THADA: variants seen among roughly 807,000 people sequenced by gnomAD.
The protein encoded by THADA is tRNA (32-2'-O)-methyltransferase regulator THADA.
A neutral mutation model predicts 219.8 loss-of-function variants in THADA; 213 were observed. The observed-to-expected ratio is 0.97, with a 90% CI of 0.87 to 1.09. The LOEUF (loss-of-function observed/expected upper bound fraction) is 1.09. Among genes scored for constraint, THADA ranks in the 50% least tolerant of loss-of-function variants. The pLI is 0.00. For missense variants in THADA, 2,956 were observed against 2,311.3 expected, an observed-to-expected ratio of 1.28 and a Z score of -5.72; for synonymous variants, 1,018 against 828.9, an observed-to-expected ratio of 1.23 and a Z score of -3.92.
chr2:43,334,447 T>C (rs184814282), intron 30 of THADA, among the ~76,000 whole-genome samples: 1 of 152,274 alleles, frequency 6.6e-6, no homozygotes, highest in African/African-American at 2.4e-5. Flanking sequence ...CCCTCTACCA[T>C]CTCTTCCCCT....
chr2:43,533,620 C>G (rs915999351), intron 21 of THADA, among the ~76,000 whole-genome samples: 1 of 152,140 alleles, frequency 6.6e-6, no homozygotes, highest in African/African-American at 2.4e-5. Context: ...AGCCATCATC[C>G]TCAGCAAACT....
Position 43,375,968 on chromosome 2 carries a change from C to T in THADA, c.4227+22003G>A, listed in dbSNP as rs987767880. Reference sequence around the variant, plus strand: ...TCACAACCCAACACAAGAAACACCACCCACCTGCAAGCTGTTTCAGACTAA... The same window carrying T: ...TCACAACCCAACACAAGAAACACCATCCACCTGCAAGCTGTTTCAGACTAA... On this transcript the variant is annotated intron_variant, in intron 29 of 37. Coordinates refer to ENST00000405975, the MANE Select transcript of THADA (RefSeq NM_022065.5). 2.0e-5 allele frequency among the ~76,000 whole-genome samples: 3 copies of T among 152,176 alleles called. No homozygotes were observed. In the South Asian group the frequency reaches 6.2e-4, roughly 32 times the overall value.
chr2:43,564,423 A>C (rs1217732081), intron 15 of THADA: 2 of 152,248 alleles, frequency 1.3e-5, no homozygotes, highest in Non-Finnish European at 2.9e-5. Context: ...TAGCCATCTC[A>C]TGCCAATCTC....
At chr2:43,488,182 T>A (rs1317979002) in intron 25 of THADA, among the ~76,000 whole-genome samples, 1 of 152,226 alleles carries the variant, frequency 6.6e-6, no homozygotes, top group African/African-American at 2.4e-5. Flanking sequence ...ATTACTTTTT[T>A]AAATTGAGGT....
intron 11 of THADA, among the ~76,000 whole-genome samples, chr2:43,573,997 C>T (rs1351959297): frequency 6.6e-6 from 1 of 152,140 alleles, no homozygotes; most frequent in Non-Finnish European, 1.5e-5. Flanking sequence ...GTCTCAATGA[C>T]TTGAATAAGC....
chr2:43,534,911 G>A (rs1414069396), intron 21 of THADA, among the ~76,000 whole-genome samples: 4 of 152,016 alleles, frequency 2.6e-5, no homozygotes, highest in Non-Finnish European at 5.9e-5. Context: ...GTTTTTAGAG[G>A]AATCTCCACA....
In THADA at chr2:43,432,078, G is replaced by T. The variant is rs1436679348; in HGVS notation, c.3837-1776C>A. 4.8e-5 allele frequency among the ~76,000 whole-genome samples: 6 copies of T among 124,588 alleles called. 2 individuals are homozygous for T. Among genetic ancestry groups the T allele is most frequent in the African/African-American group, 2.1e-4 (6 of 28,414 alleles). 81.7% of individuals were successfully genotyped at this position (124,588 alleles called of 152,430 possible). On this transcript the variant is annotated intron_variant, in intron 26 of 37. Coordinates refer to ENST00000405975, the MANE Select transcript of THADA (RefSeq NM_022065.5). ...TCACCGTTTTAGCCGGGATGGTCTC[G>T]ATCTCCTGACCTCGTGATCCGCCCG... is the stretch of plus-strand genomic sequence containing the variant.
chr2:43,393,579 G>A (rs1673667120), intron 29 of THADA, among the ~76,000 whole-genome samples: 1 of 151,912 alleles, frequency 6.6e-6, no homozygotes, highest in Non-Finnish European at 1.5e-5. Flanking sequence ...GTGGTGGCAG[G>A]CGCCTGTAAT....
At chr2:43,583,414 C>T (rs1249814013) in intron 7 of THADA, among the ~76,000 whole-genome samples, 1 of 152,222 alleles carries the variant, frequency 6.6e-6, no homozygotes, top group Non-Finnish European at 1.5e-5. Flanking sequence ...AGCCTCCTAA[C>T]TGGTCTCTCG....
intron 29 of THADA, among the ~76,000 whole-genome samples, chr2:43,380,075 T>C (rs545353380): frequency 6.6e-6 from 1 of 152,224 alleles, no homozygotes; most frequent in Admixed American, 6.5e-5. Context: ...GGTGTGGAAC[T>C]AATCTATATG....
chr2:43,507,886 G>C (rs750693395), intron 23 of THADA, among the ~76,000 whole-genome samples: 2 of 152,144 alleles, frequency 1.3e-5, no homozygotes, highest in Non-Finnish European at 2.9e-5. Flanking sequence ...ATCTAAATGT[G>C]CTGATATGAA....
intron 28 of THADA, among the ~76,000 whole-genome samples, chr2:43,423,435 C>CTTTTTTTT (rs34481568): frequency 7.0e-6 from 1 of 142,194 alleles, no homozygotes; most frequent in East Asian, 2.0e-4. Flanking sequence ...TTCTTTCTTT[C>CTTTTTTTT]TTTTTTTTTT....
chr2:43,268,092 C>G (rs1162314616), intron 36 of THADA, among the ~76,000 whole-genome samples: 2 of 152,204 alleles, frequency 1.3e-5, no homozygotes, highest in African/African-American at 4.8e-5. Context: ...TTGATTCCCA[C>G]CTGCTGTTCT....
intron 21 of THADA, among the ~76,000 whole-genome samples, chr2:43,539,580 C>T (rs887662717): frequency 6.6e-6 from 1 of 152,126 alleles, no homozygotes; most frequent in Non-Finnish European, 1.5e-5. Flanking sequence ...AGTGTTAGAA[C>T]ACTGCTATTA....
intron 35 of THADA, among the ~76,000 whole-genome samples, chr2:43,284,852 A>T (rs766564118): frequency 4.6e-5 from 7 of 152,130 alleles, no homozygotes; most frequent in Non-Finnish European, 8.8e-5. Flanking sequence ...TTGGGAGCCC[A>T]CTCCCTGCAT....
chr2:43,369,723 C>G (rs937720055), intron 29 of THADA, among the ~76,000 whole-genome samples: 9 of 152,176 alleles, frequency 5.9e-5, no homozygotes, highest in African/African-American at 1.9e-4. Context: ...TCAGGTAAAG[C>G]TGGGAAACAC....
intron 22 of THADA, 85 bp downstream of exon 22, chr2:43,527,794 A>G: frequency 2.1e-6 from 2 of 961,720 alleles, no homozygotes; most frequent in Non-Finnish European, 3.2e-6. Flanking sequence ...TTTAAACTTC[A>G]AAAGACACAA....
chr2:43,341,938 G>T (rs1235910470), intron 30 of THADA, among the ~76,000 whole-genome samples: 1 of 152,184 alleles, frequency 6.6e-6, no homozygotes, highest in Non-Finnish European at 1.5e-5. Flanking sequence ...GTTGGGTGCA[G>T]TGGCTCACAT....
In THADA at chr2:43,566,704, G is replaced by C; in HGVS notation, c.2305C>G (p.Pro769Ala). 3 of 1,605,924 alleles carry C rather than the reference G, an allele frequency of 1.9e-6. No homozygotes were observed. The highest frequency in any genetic ancestry group is 2.5e-6 in the Non-Finnish European group (3 of 1,177,596). The change falls in exon 15 of 38, where the codon CCA becomes GCA. Residue 769 changes from proline to alanine, a missense_variant. Pro to Ala is a conservative substitution (Grantham distance 27, BLOSUM62 -1). Transcript: ENST00000405975. ...AACATTATTAAACACTTACCTTCTG[G>C]GACATGAAAAACTTCAGCTATTGAA... Reference protein sequence around the residue: ...LGSIAEVFHVPEGRIYTVYQL... With the variant: ...LGSIAEVFHVAEGRIYTVYQL...
Sources: gnomAD v4.1 joint callset for allele counts (sites outside exome capture counted in the v4.1 genomes callset) on GRCh38, gnomAD v4.1.1 for gene constraint, MANE v1.5 for transcripts, NCBI Gene and HGNC (gene_info 2026-07-23, HGNC 2026-07-21) for gene names.